The following SPC25 variants were observed in gnomAD, a reference collection of about 807,000 sequenced individuals.
SPC25 encodes kinetochore protein Spc25.
Under a neutral mutation model 29.6 loss-of-function variants are expected in SPC25, and 22 were observed. The ratio of observed to expected loss-of-function variants is 0.74; its 90% confidence interval spans 0.53 to 1.06. The LOEUF (loss-of-function observed/expected upper bound fraction) is 1.06. SPC25 is among the 50% of genes least tolerant of loss of function. The pLI, the probability that SPC25 is intolerant of heterozygous loss-of-function variation, is 0.00. For missense variants in SPC25, 230 were observed against 255.8 expected, an observed-to-expected ratio of 0.90 and a Z score of 0.69; for synonymous variants, 91 against 90.4, an observed-to-expected ratio of 1.01 and a Z score of -0.04.
At chr2:168,880,687 A>C (rs1392458414) in intron 3 of SPC25, among the ~76,000 whole-genome samples, 3 of 152,226 alleles carry the variant, frequency 2.0e-5, no homozygotes, top group Non-Finnish European at 4.4e-5. Flanking sequence ...TTTGATTTAA[A>C]GTGAGAGACC....
downstream of SPC25, among the ~76,000 whole-genome samples, chr2:168,866,763 C>G (rs966845161): frequency 7.3e-5 from 9 of 123,520 alleles, no homozygotes; most frequent in Non-Finnish European, 9.9e-5. Flanking sequence ...CTACAACGAA[C>G]TCAAACAAAT....
intron 4 of SPC25, chr2:168,864,972 A>G: frequency 1.9e-6 from 3 of 1,613,992 alleles, no homozygotes; most frequent in Non-Finnish European, 2.5e-6. Flanking sequence ...AAGGCATAAA[A>G]CAAGACTCTG....
chr2:168,862,182 G>C, intron 4 of SPC25: 1 of 734,012 alleles, frequency 1.4e-6, no homozygotes, highest in Non-Finnish European at 2.3e-6. Context: ...TGAAAGATAA[G>C]CACATCTAAA....
At chr2:168,877,479 T>C in intron 3 of SPC25, 95 bp from the exon 4 acceptor site, 1 of 1,402,136 alleles carries the variant, frequency 7.1e-7, no homozygotes, top group Non-Finnish European at 9.8e-7. Flanking sequence ...TAAAGATTAA[T>C]AAAGAATGTT....
Position 168,876,105 on chromosome 2 carries a change from C to A in SPC25, c.418G>T (p.Asp140Tyr). The A allele has an allele frequency of 2.6e-6, 4 of 1,560,680 alleles. No homozygotes were observed. The highest frequency in any genetic ancestry group is 3.4e-6 in the Non-Finnish European group (4 of 1,160,850). ...TTTCGAATTTCTAGTCCAAGTCGAT[C>A]TTTATACAAGTCTGCAGATTTCTGC... ...RLQKSADLYK[D>Y]RLGLEIRKIY... is the part of the protein sequence containing the mutation. Residue 140 changes from aspartate to tyrosine, a missense_variant, in exon 5 of 7, where the codon GAT (aspartate) becomes TAT (tyrosine). Transcript: ENST00000282074.
At chr2:168,872,426 C>T (rs1312364009) in intron 6 of SPC25, among the ~76,000 whole-genome samples, 3 of 152,102 alleles carry the variant, frequency 2.0e-5, no homozygotes, top group Non-Finnish European at 4.4e-5. Flanking sequence ...CTCAAAGTCA[C>T]GAATAACAGT....
In SPC25 at chr2:168,889,271, T is replaced by C. The variant is rs777148508; in HGVS notation, c.154A>G (p.Lys52Glu). Reference sequence around the variant, plus strand: ...ATCTCAACCATTCGTTCTTCTTCCTTTAATTTCACAGACAGCTTTTCTGAA... The same window carrying C: ...ATCTCAACCATTCGTTCTTCTTCCTCTAATTTCACAGACAGCTTTTCTGAA... The part of the protein sequence containing the change: ...AFAEKLSVKL[K>E]EEERMVEMFL... Residue 52 changes from lysine (K) to glutamate (E), a missense_variant, in exon 3 of 7, where the codon AAG (lysine) becomes GAG (glutamate). Transcript: ENST00000282074. 1 of 1,613,868 alleles carries C rather than the reference T, an allele frequency of 6.2e-7. No individual in the cohort carries two copies. Among genetic ancestry groups the C allele is most frequent in the Non-Finnish European group, 8.5e-7 (1 of 1,179,970 alleles).
In SPC25 at chr2:168,876,182, T is replaced by TA; in HGVS notation, c.347-7dup. 1 of 1,527,364 alleles carries TA rather than the reference T, an allele frequency of 6.5e-7. No individual in the cohort carries two copies. Among genetic ancestry groups the TA allele is most frequent in the Non-Finnish European group, 8.8e-7 (1 of 1,140,026 alleles). The allele number at this position is 1,527,364 out of a possible 1,614,324, so 94.6% of individuals were successfully genotyped here. On this transcript the variant is annotated splice_polypyrimidine_tract_variant and splice_region_variant and intron_variant, in intron 4 of 6. Transcript: ENST00000282074. Reference sequence around the variant, plus strand: ...TTTATTAGCAGTAGAAATAGCTGATTAAAAAACACACACAATATTAAATGT... The same window carrying TA: ...TTTATTAGCAGTAGAAATAGCTGATTAAAAAAACACACACAATATTAAATGT...
At chr2:168,862,797 C>T (rs1235369091) in intron 4 of SPC25, among the ~76,000 whole-genome samples, 5 of 152,092 alleles carry the variant, frequency 3.3e-5, no homozygotes, top group South Asian at 2.1e-4. Flanking sequence ...TGAATGTTAG[C>T]GCTAATGCAG....
chr2:168,865,883 G>C (rs1689834536), intron 4 of SPC25, among the ~76,000 whole-genome samples: 1 of 152,244 alleles, frequency 6.6e-6, no homozygotes. Context: ...TTGCTTCAAA[G>C]AGAATAAAAT....
intron 3 of SPC25, among the ~76,000 whole-genome samples, chr2:168,878,268 A>G (rs534304268): frequency 1.3e-5 from 2 of 152,350 alleles, no homozygotes; most frequent in African/African-American, 4.8e-5. Context: ...TACATTAAAA[A>G]TAATCCACTA....
At chr2:168,872,082 C>A (rs1053776497) in intron 6 of SPC25, among the ~76,000 whole-genome samples, 1 of 151,930 alleles carries the variant, frequency 6.6e-6, no homozygotes, top group African/African-American at 2.4e-5. Flanking sequence ...TCAAGCAATT[C>A]TTTTGCCTCA....
intron 5 of SPC25, among the ~76,000 whole-genome samples, chr2:168,875,243 C>T (rs941727593): frequency 5.3e-5 from 8 of 152,144 alleles, no homozygotes; most frequent in African/African-American, 1.9e-4. Flanking sequence ...ACTATGTAAA[C>T]AGATGCTCCT....
At chr2:168,861,885 A>G (rs2105796644) in intron 4 of SPC25, 1 of 1,369,668 alleles carries the variant, frequency 7.3e-7, no homozygotes, top group South Asian at 1.2e-5. Flanking sequence ...CACACTGTTA[A>G]ATAACCAAAG....
chr2:168,866,809 G>A (rs13418348), downstream of SPC25, among the ~76,000 whole-genome samples: 4,926 of 151,558 alleles, frequency 0.033, 157 homozygotes, highest in African/African-American at 0.071. Flanking sequence ...AAAAGTGGGC[G>A]AAGGATATGA....
intron 4 of SPC25, among the ~76,000 whole-genome samples, chr2:168,862,648 A>G (rs891064531): frequency 6.6e-6 from 1 of 152,174 alleles, no homozygotes; most frequent in Non-Finnish European, 1.5e-5. Context: ...AAAGAGTGAG[A>G]TCCCCTTCTT....
At chr2:168,869,625 A>C (rs1689940423), downstream of SPC25, among the ~76,000 whole-genome samples, 1 of 152,178 alleles carries the variant, frequency 6.6e-6, no homozygotes, top group Admixed American at 6.5e-5. Context: ...AAAGAGAATA[A>C]AATACCTAGG....
rs116710147 is a variant in SPC25, at chr2:168,880,460, C to T, written c.200-3076G>A. ...TCACAGAATTGAAGAGGGCTAGAGTCTTACCCTGAATTAGGCTTTTGCTTA... is the reference window on the plus strand; with the variant it reads ...TCACAGAATTGAAGAGGGCTAGAGTTTTACCCTGAATTAGGCTTTTGCTTA... On this transcript the variant is annotated intron_variant, in intron 3 of 6. Transcript: ENST00000282074. Among the ~76,000 whole-genome samples, 1,188 of 152,354 alleles carry T rather than the reference C, an allele frequency of 7.8e-3. 9 individuals carry two copies. The highest frequency in any genetic ancestry group is 0.012 in the Non-Finnish European group (804 of 68,046).
chr2:168,885,987 C>T (rs189127208), intron 3 of SPC25, among the ~76,000 whole-genome samples: 1 of 151,852 alleles, frequency 6.6e-6, no homozygotes, highest in East Asian at 1.9e-4. Context: ...ACTGGAAGAA[C>T]CAAACCCTCC....
Sources: allele counts gnomAD v4.1 joint callset (sites outside exome capture counted in the v4.1 genomes callset), GRCh38; gene constraint gnomAD v4.1.1; transcripts MANE v1.5; gene names NCBI Gene and HGNC (gene_info 2026-07-23, HGNC 2026-07-21).